The following FLVCR1 variants were observed in gnomAD, a reference collection of about 807,000 sequenced individuals.
The protein encoded by FLVCR1 is choline/ethanolamine transporter FLVCR1.
A neutral mutation model predicts 53.6 loss-of-function variants in FLVCR1; 34 were observed. The ratio of observed to expected loss-of-function variants is 0.63; its 90% CI spans 0.48 to 0.84. FLVCR1 has a LOEUF of 0.84. FLVCR1 is among the 40% of genes least tolerant of loss of function. FLVCR1 has a pLI of 0.00. For missense variants in FLVCR1, 677 were observed against 696.7 expected (o/e 0.97, Z 0.32); for synonymous variants, 300 against 286.3 (o/e 1.05, Z -0.48).
intron 3 of FLVCR1, among the ~76,000 whole-genome samples, chr1:212,877,567 GT>G (rs765318769): frequency 6.6e-6 from 1 of 150,974 alleles, no homozygotes; most frequent in African/African-American, 2.4e-5. Context: ...TTTTAATGAG[GT>G]TTTTTTTTCT....
At chr1:212,863,112 T>C (rs1448175522) in intron 1 of FLVCR1, among the ~76,000 whole-genome samples, 1 of 152,232 alleles carries the variant, frequency 6.6e-6, no homozygotes, top group Non-Finnish European at 1.5e-5. Flanking sequence ...TCATCTTTTG[T>C]CAGCCTTATT....
At chr1:212,881,863 A>G (rs1664940064) in intron 3 of FLVCR1, among the ~76,000 whole-genome samples, 1 of 152,198 alleles carries the variant, frequency 6.6e-6, no homozygotes, top group Non-Finnish European at 1.5e-5. Context: ...GAAAGAGCAA[A>G]CAATCCAAGG....
chr1:212,884,319 G>T (rs973369478), intron 4 of FLVCR1, among the ~76,000 whole-genome samples: 1 of 151,218 alleles, frequency 6.6e-6, no homozygotes. Context: ...CAGGCTGGGC[G>T]CCGTGGCTCA....
Position 212,858,985 on chromosome 1 carries a change from T to A in FLVCR1, c.533T>A (p.Leu178Gln). ...LDTRGLRLTA[L>Q]LGSGLNCLGA... ...ACCAGAGGCCTGCGGCTCACCGCCC[T>A]GCTGGGCTCCGGCCTCAACTGCCTG... Residue 178 changes from leucine (L) to glutamine (Q), a missense_variant, in exon 1 of 10, where the codon CTG (leucine) becomes CAG (glutamine). By Grantham distance (113) the Leu-to-Gln change is moderately radical (BLOSUM62 -2). Transcript: ENST00000366971. 4 of 1,613,834 alleles carry A rather than the reference T, an allele frequency of 2.5e-6. No homozygotes were observed. Among genetic ancestry groups the A allele is most frequent in the Non-Finnish European group, 3.4e-6 (4 of 1,179,784 alleles).
chr1:212,894,993 C>T lies in FLVCR1; in HGVS notation c.1533C>T (p.Ile511=), dbSNP rs1464497742. 3.7e-6 allele frequency: 6 copies of T among 1,601,660 alleles called. No homozygotes were observed. Among genetic ancestry groups the T allele is most frequent in the Non-Finnish European group, 3.4e-6 (4 of 1,168,964 alleles). Residue 511 remains isoleucine, a synonymous_variant, in exon 9 of 10, where the codon ATC becomes ATT. Coordinates refer to ENST00000366971, the MANE Select transcript of FLVCR1 (RefSeq NM_014053.4). ...GATGCCCCTCTGTTTCAGCATTAAT[C>T]AAGTCTGATCTGCGAAGACACAACA... ...MFIGIILTAL[I]KSDLRRHNIN...
chr1:212,885,894 A>G (rs535934258), intron 5 of FLVCR1, among the ~76,000 whole-genome samples: 39 of 152,030 alleles, frequency 2.6e-4, no homozygotes, highest in African/African-American at 9.2e-4. Context: ...TTTATTGGTC[A>G]CATTTATTTC....
chr1:212,884,698 C>A (rs1019743728), intron 4 of FLVCR1, among the ~76,000 whole-genome samples: 4 of 152,130 alleles, frequency 2.6e-5, no homozygotes, highest in Admixed American at 2.0e-4. Flanking sequence ...CTGAGAAATT[C>A]GCTAGGCAAT....
At position 212,859,028 on chromosome 1, in the gene FLVCR1, C is replaced by G; in HGVS notation, c.576C>G (p.Cys192Trp). 1 of 1,612,108 alleles carries G rather than the reference C, an allele frequency of 6.2e-7. No homozygotes were observed. The highest frequency in any genetic ancestry group is 8.5e-7 in the Non-Finnish European group (1 of 1,178,504). ...ACTGCCTGGGTGCCTGGATCAAGTG[C>G]GGCAGTGTGCAGCAGCATCTCTTCT... ...GLNCLGAWIK[C>W]GSVQQHLFWV... is the part of the protein sequence containing the mutation. The change falls in exon 1 of 10, where the codon TGC becomes TGG. Residue 192 changes from cysteine (C) to tryptophan (W), a missense_variant. Cys to Trp is a radical substitution (Grantham distance 215). Coordinates refer to ENST00000366971, the MANE Select transcript of FLVCR1 (RefSeq NM_014053.4).
At chr1:212,880,795 TAAA>T (rs36005550) in intron 3 of FLVCR1, among the ~76,000 whole-genome samples, 14 of 142,098 alleles carry the variant, frequency 9.9e-5, no homozygotes, top group African/African-American at 8.0e-5. Context: ...GACTCTTTAT[TAAA>T]AAAAAAAAAA....
intron 7 of FLVCR1, 114 bp from the exon 8 acceptor site, chr1:212,889,032 A>G (rs1665126388): frequency 2.5e-6 from 2 of 813,408 alleles, no homozygotes; most frequent in South Asian, 1.6e-5. Flanking sequence ...TTTTCAATGA[A>G]TGTTTCTAGA....
intron 2 of FLVCR1, chr1:212,870,041 C>T (rs1008087311): frequency 1.3e-5 from 2 of 152,062 alleles, no homozygotes; most frequent in South Asian, 4.1e-4. Flanking sequence ...AGAGATATTT[C>T]CTATCTGATT....
chr1:212,890,341 C>T (rs1665160097), intron 8 of FLVCR1, among the ~76,000 whole-genome samples: 1 of 151,946 alleles, frequency 6.6e-6, no homozygotes, highest in Admixed American at 6.6e-5. Context: ...GATGTGTGTA[C>T]GTTATATGTA....
intron 8 of FLVCR1, among the ~76,000 whole-genome samples, chr1:212,890,967 CA>C (rs1418733971): frequency 6.6e-6 from 1 of 152,156 alleles, no homozygotes; most frequent in Admixed American, 6.5e-5. Flanking sequence ...CATCTTATCA[CA>C]GGGAGTTTTT....
At chr1:212,873,888 C>T (rs1415103943) in intron 3 of FLVCR1, among the ~76,000 whole-genome samples, 1 of 152,138 alleles carries the variant, frequency 6.6e-6, no homozygotes, top group Non-Finnish European at 1.5e-5. Flanking sequence ...TTGCTAATCA[C>T]CAAAGTTGAA....
chr1:212,895,390 A>G lies in FLVCR1; in HGVS notation c.*100A>G. 2.5e-6 allele frequency: 2 copies of G among 808,526 alleles called. No homozygotes were observed. The highest frequency in any genetic ancestry group is 4.4e-6 in the Non-Finnish European group (2 of 456,404). The allele number at this position is 808,526 out of a possible 1,614,324, so 50.1% of individuals were successfully genotyped here. Reference sequence around the variant, plus strand: ...AGGCTGGGTTTGTATGTGGTGGGGGAATAAACACACTTACTTGAAAATTAC... The same window carrying G: ...AGGCTGGGTTTGTATGTGGTGGGGGGATAAACACACTTACTTGAAAATTAC... On this transcript the variant is annotated 3_prime_UTR_variant, in exon 10 of 10. Transcript: ENST00000366971.
intron 2 of FLVCR1, among the ~76,000 whole-genome samples, chr1:212,865,980 G>GTTTT (rs1491202805): frequency 2.5e-4 from 8 of 32,124 alleles, no homozygotes; most frequent in South Asian, 2.1e-3. Context: ...TTTGGGGTTT[G>GTTTT]GTTTTTTTTT....
chr1:212,898,029 C>T lies in FLVCR1; in HGVS notation c.*2739C>T, dbSNP rs1026798707. 6.6e-6 allele frequency: 1 copy of T among 152,238 alleles called. No homozygotes were observed. Among genetic ancestry groups the T allele is most frequent in the Non-Finnish European group, 1.5e-5 (1 of 68,044 alleles). 9.4% of individuals were successfully genotyped at this position (152,238 alleles called of 1,614,324 possible). Reference sequence around the variant, plus strand: ...AGAATTTGACTAAGAATCAGGAACTCTGTGTCCATGTCCTGGATGTATTTC... The same window carrying T: ...AGAATTTGACTAAGAATCAGGAACTTTGTGTCCATGTCCTGGATGTATTTC... On this transcript the variant is annotated 3_prime_UTR_variant, in exon 10 of 10. Coordinates refer to ENST00000366971, the MANE Select transcript of FLVCR1 (RefSeq NM_014053.4).
rs5780703 is a variant in FLVCR1, at chr1:212,886,042, C to CT, written c.1196+664dup. On this transcript the variant is annotated intron_variant, in intron 5 of 9. Transcript: ENST00000366971. ...GACTTTTGATAGACTTTATCTTGTT[C>CT]TTTTTTTTTTTTTTTTTTAGGTGGG... Among the ~76,000 whole-genome samples the CT allele has an allele frequency of 3.9e-3, 476 of 121,112 alleles. 19 individuals are homozygous for CT. The highest frequency in any genetic ancestry group is 5.9e-3 in the African/African-American group (183 of 30,998). The allele number at this position is 121,112 out of a possible 152,430, so 79.5% of individuals were successfully genotyped here. A position where few individuals can be genotyped will look rare whatever the true frequency, so the allele number is the denominator to read the frequency against.
At chr1:212,887,389 T>C (rs569493760) in intron 5 of FLVCR1, among the ~76,000 whole-genome samples, 1 of 152,364 alleles carries the variant, frequency 6.6e-6, no homozygotes, top group South Asian at 2.1e-4. Flanking sequence ...ATGAAAATTA[T>C]GGCTGGCATT....
Sources: gnomAD v4.1 joint callset for allele counts (sites outside exome capture counted in the v4.1 genomes callset) on GRCh38, gnomAD v4.1.1 for gene constraint, MANE v1.5 for transcripts, NCBI Gene and HGNC (gene_info 2026-07-23, HGNC 2026-07-21) for gene names.